SNUPN: variants seen among roughly 807,000 people sequenced by gnomAD.
SNUPN encodes the protein snurportin 1.
In SNUPN, 31 loss-of-function variants were observed where a neutral mutation model predicts 39.2. The observed-to-expected ratio is 0.79, with a 90% CI of 0.59 to 1.07. The LOEUF (loss-of-function observed/expected upper bound fraction) is 1.07. SNUPN is among the 50% of genes least tolerant of loss of function. The pLI is 0.00. For synonymous variants in SNUPN, 132 were observed against 159.0 expected, an observed-to-expected ratio of 0.83 and a Z score of 1.28; for missense variants, 382 against 434.2, an observed-to-expected ratio of 0.88 and a Z score of 1.07.
At chr15:75,613,653 A>AAAAAAG (rs1555459727) in intron 3 of SNUPN, among the ~76,000 whole-genome samples, 1 of 151,584 alleles carries the variant, frequency 6.6e-6, no homozygotes, top group East Asian at 1.9e-4. Context: ...AAAAAAAAAA[A>AAAAAAG]AAAAGAAAAG....
At chr15:75,615,593 C>CCT (rs1595987126) in intron 3 of SNUPN, among the ~76,000 whole-genome samples, 6 of 109,412 alleles carry the variant, frequency 5.5e-5, no homozygotes, top group South Asian at 2.7e-4. Context: ...GAAGGAATCT[C>CCT]ATTTTTTTTT....
intron 1 of SNUPN, chr15:75,624,583 G>C (rs1181212810): frequency 1.5e-5 from 4 of 260,616 alleles, no homozygotes; most frequent in Non-Finnish European, 2.4e-5. Context: ...TGAGGCAGGA[G>C]AATGGCTTGA....
intron 1 of SNUPN, 59 bp from the exon 2 acceptor site, chr15:75,621,115 A>G: frequency 6.5e-7 from 1 of 1,536,446 alleles, no homozygotes; most frequent in Non-Finnish European, 8.9e-7. Flanking sequence ...CTGTATACAG[A>G]CAGTTATGCA....
intron 6 of SNUPN, 77 bp from the exon 7 acceptor site, chr15:75,605,304 T>A: frequency 3.3e-5 from 25 of 766,964 alleles, no homozygotes; most frequent in Non-Finnish European, 4.3e-5. Flanking sequence ...CACCCCATGC[T>A]ATTTTTTTTT....
intron 8 of SNUPN, chr15:75,600,885 C>A (rs2075280025): frequency 2.5e-6 from 1 of 399,846 alleles, no homozygotes; most frequent in African/African-American, 2.1e-5. Context: ...ACCTCAGTTT[C>A]TCCATCTGTA....
intron 8 of SNUPN, chr15:75,600,912 C>T (rs1043409556): frequency 4.3e-5 from 19 of 444,946 alleles, no homozygotes; most frequent in Non-Finnish European, 6.2e-5. Flanking sequence ...GGGAGTTGGA[C>T]GAGCTGTCCA....
intron 8 of SNUPN, among the ~76,000 whole-genome samples, chr15:75,599,791 T>C (rs995497806): frequency 6.6e-6 from 1 of 152,096 alleles, no homozygotes; most frequent in South Asian, 2.1e-4. Context: ...GATCCTTATA[T>C]AAAATTACAT....
chr15:75,609,050 G>A (rs1892704676), intron 5 of SNUPN, among the ~76,000 whole-genome samples: 1 of 150,188 alleles, frequency 6.7e-6, no homozygotes, highest in African/African-American at 2.5e-5. Flanking sequence ...AGAATCACTT[G>A]AACCCAGGAG....
intron 7 of SNUPN, among the ~76,000 whole-genome samples, chr15:75,604,021 A>C (rs2075311922): frequency 6.6e-6 from 1 of 152,126 alleles, no homozygotes; most frequent in South Asian, 2.1e-4. Context: ...TACATAGAGC[A>C]CTTAAACCAG....
rs35749195 is a variant in SNUPN at position 75,619,022 on chromosome 15, TAAAA to T, written c.159-1474_159-1471del. Among the ~76,000 whole-genome samples, 419 of 74,366 alleles carry T rather than the reference TAAAA, an allele frequency of 5.6e-3. 1 individual carries two copies. Among genetic ancestry groups the T allele is most frequent in the African/African-American group, 0.02 (352 of 17,174 alleles). 48.8% of individuals were successfully genotyped at this position (74,366 alleles called of 152,430 possible). On this transcript the variant is annotated intron_variant, in intron 2 of 8. Coordinates refer to ENST00000308588, the MANE Select transcript of SNUPN (RefSeq NM_005701.4). ...GTATATAGTATACTGCTACTTGTGT[TAAAA>T]AAAAAAAAAAAAAAAAAAAAAAAAG...
At chr15:75,613,650 AAAAAAAAG>A (rs1287578612) in intron 3 of SNUPN, among the ~76,000 whole-genome samples, 1 of 151,378 alleles carries the variant, frequency 6.6e-6, no homozygotes, top group African/African-American at 2.4e-5. Context: ...CTCAAAAAAA[AAAAAAAAG>A]AAAAGAAAAG....
chr15:75,623,772 G>A (rs2141381773), intron 1 of SNUPN, among the ~76,000 whole-genome samples: 1 of 152,056 alleles, frequency 6.6e-6, no homozygotes. Context: ...TCTTTGCAAT[G>A]CAACCAAGGG....
intron 1 of SNUPN, chr15:75,622,408 A>T (rs79629695): frequency 0.23 from 225,780 of 984,570 alleles, 27,788 homozygotes; most frequent in Non-Finnish European, 0.25. Flanking sequence ...AGTGTGAAGA[A>T]CTTCCATAAA....
chr15:75,609,447 C>A, intron 5 of SNUPN, 111 bp downstream of exon 5: 1 of 792,490 alleles, frequency 1.3e-6, no homozygotes, highest in South Asian at 1.4e-5. Flanking sequence ...CCTCGGCCTC[C>A]CAAAGTGCTG....
chr15:75,605,241 G>C lies in SNUPN; in HGVS notation c.601-14C>G, dbSNP rs763022739. 6.3e-7 allele frequency: 1 copy of C among 1,578,280 alleles called. No homozygotes were observed. The highest frequency in any genetic ancestry group is 8.7e-7 in the Non-Finnish European group (1 of 1,150,890). Reference sequence around the variant, plus strand: ...TCGGAAATCAGTCTGCCACAGAGAAGGGAAACAGAAAGATGAAATACTTTC... The same window carrying C: ...TCGGAAATCAGTCTGCCACAGAGAACGGAAACAGAAAGATGAAATACTTTC... On this transcript the variant is annotated splice_polypyrimidine_tract_variant and intron_variant, in intron 6 of 8. Coordinates refer to ENST00000308588, the MANE Select transcript of SNUPN (RefSeq NM_005701.4).
Position 75,598,178 on chromosome 15 carries a change from G to A in SNUPN, c.*180C>T, listed in dbSNP as rs143441661. 54 of 574,092 alleles carry A rather than the reference G, an allele frequency of 9.4e-5. No homozygotes were observed. Among genetic ancestry groups the A allele is most frequent in the Middle Eastern group, 9.1e-4 (2 of 2,188 alleles). The allele number at this position is 574,092 out of a possible 1,614,324, so 35.6% of individuals were successfully genotyped here. ...AATCAATCTGAATGCTACGCAATCT[G>A]GGAACCTCCCCATAACTGTTTGAGC... On this transcript the variant is annotated 3_prime_UTR_variant, in exon 9 of 9. Transcript: ENST00000308588.
chr15:75,618,345 G>GT (rs1346942024), intron 2 of SNUPN, among the ~76,000 whole-genome samples: 1 of 151,810 alleles, frequency 6.6e-6, no homozygotes, highest in African/African-American at 2.4e-5. Flanking sequence ...TTTACGGACC[G>GT]TAGGTGTATG....
intron 1 of SNUPN, chr15:75,624,624 G>A (rs113978196): frequency 0.22 from 145,175 of 664,820 alleles, 18,735 homozygotes; most frequent in Non-Finnish European, 0.25. Flanking sequence ...AGTGAGTCGA[G>A]ATCGTGCCAC....
chr15:75,617,593 T>C (rs1440014343), intron 2 of SNUPN, 41 bp from the exon 3 acceptor site: 1 of 327,816 alleles, frequency 3.1e-6, no homozygotes, highest in Non-Finnish European at 4.8e-6. Flanking sequence ...TCTTTTCTTC[T>C]TTTTTTTTTT....
Sources: allele counts gnomAD v4.1 joint callset (sites outside exome capture counted in the v4.1 genomes callset), GRCh38; gene constraint gnomAD v4.1.1; transcripts MANE v1.5; gene names NCBI Gene and HGNC (gene_info 2026-07-23, HGNC 2026-07-21).